CAPZA1: variants seen among roughly 807,000 people sequenced by gnomAD.
CAPZA1 encodes the protein F-actin-capping protein subunit alpha-1.
A neutral mutation model predicts 40.8 loss-of-function variants in CAPZA1; 10 were observed. The observed-to-expected ratio is 0.25, with a 90% CI of 0.15 to 0.42. The LOEUF (loss-of-function observed/expected upper bound fraction) is 0.42. CAPZA1 is among the 10% of genes least tolerant of loss of function. The pLI is 1.00. For missense variants in CAPZA1, 277 were observed against 353.8 expected, an observed-to-expected ratio of 0.78 and a Z score of 1.74; for synonymous variants, 98 against 115.0, an observed-to-expected ratio of 0.85 and a Z score of 0.95.
chr1:112,627,426 C>T (rs1348679093), intron 1 of CAPZA1, among the ~76,000 whole-genome samples: 1 of 151,842 alleles, frequency 6.6e-6, no homozygotes, highest in African/African-American at 2.4e-5. Context: ...AGGCGGATTA[C>T]TTGAACCCAG....
intron 7 of CAPZA1, 52 bp from the exon 8 acceptor site, chr1:112,667,022 C>G (rs1166905219): frequency 2.4e-6 from 3 of 1,273,044 alleles, no homozygotes; most frequent in Admixed American, 1.9e-5. Flanking sequence ...TCCTAAATAA[C>G]AGGTTTCTCT....
chr1:112,662,485 AC>A (rs1397214072), intron 7 of CAPZA1, among the ~76,000 whole-genome samples: 1 of 125,192 alleles, frequency 8.0e-6, no homozygotes, highest in East Asian at 2.4e-4. Context: ...TGCAAGCTCC[AC>A]CTCCCGGGTT....
intron 1 of CAPZA1, among the ~76,000 whole-genome samples, chr1:112,633,213 T>C (rs903274064): frequency 6.6e-6 from 1 of 152,176 alleles, no homozygotes; most frequent in Non-Finnish European, 1.5e-5. Context: ...CTAATTTCTA[T>C]CTTTGATATC....
chr1:112,633,565 GA>G (rs1557728066), intron 1 of CAPZA1, among the ~76,000 whole-genome samples: 1 of 152,176 alleles, frequency 6.6e-6, no homozygotes, highest in African/African-American at 2.4e-5. Context: ...TGGGGGTGCA[GA>G]TATCTCTCTG....
At chr1:112,627,666 AGAAG>A (rs1670841139) in intron 1 of CAPZA1, among the ~76,000 whole-genome samples, 2 of 108,660 alleles carry the variant, frequency 1.8e-5, no homozygotes, top group Admixed American at 1.1e-4. Flanking sequence ...AAAAAAAAAA[AGAAG>A]GGCCAGGCGT....
chr1:112,659,817 A>C (rs767515468), intron 7 of CAPZA1, 38 bp downstream of exon 7: 4 of 1,507,014 alleles, frequency 2.7e-6, no homozygotes, highest in Non-Finnish European at 3.7e-6. Context: ...AAAACTTCAC[A>C]TCTTTAAAAC....
At chr1:112,650,711 C>G (rs1257116793) in intron 3 of CAPZA1, among the ~76,000 whole-genome samples, 1 of 152,210 alleles carries the variant, frequency 6.6e-6, no homozygotes, top group Non-Finnish European at 1.5e-5. Flanking sequence ...CTCTGTACGT[C>G]ACTTGATAAG....
chr1:112,634,323 C>G (rs1037666663), intron 1 of CAPZA1, among the ~76,000 whole-genome samples: 3 of 152,078 alleles, frequency 2.0e-5, no homozygotes, highest in Non-Finnish European at 2.9e-5. Context: ...TAAGTATACC[C>G]TATTTGGAAA....
In CAPZA1 at chr1:112,670,362, C is replaced by CTTTTTTTTTTTTTTTTTTTTTTTGTTTTT. The variant is rs58051216; in HGVS notation, c.*249_*250insTTTTGTTTTTTTTTTTTTTTTTTTTTTTT. 6.9e-6 allele frequency: 1 copy of CTTTTTTTTTTTTTTTTTTTTTTTGTTTTT among 143,904 alleles called. No individual in the cohort carries two copies. The highest frequency in any genetic ancestry group is 1.0e-4 in the Admixed American group (1 of 9,912). The allele number at this position is 143,904 out of a possible 1,614,324, so 8.9% of individuals were successfully genotyped here. A position where few individuals can be genotyped will look rare whatever the true frequency, so the allele number is the denominator to read the frequency against. The stretch of plus-strand genomic sequence containing the variant: ...TATATCTACGTGTAAATCTTTTTTT[C>CTTTTTTTTTTTTTTTTTTTTTTTGTTTTT]TTTTTTTTTTTTTTTTTTTGGTTAA... On this transcript the variant is annotated 3_prime_UTR_variant, in exon 10 of 10. Coordinates refer to ENST00000263168, the MANE Select transcript of CAPZA1 (RefSeq NM_006135.3).
At chr1:112,666,826 C>G (rs1359030563) in intron 7 of CAPZA1, 1 of 445,962 alleles carries the variant, frequency 2.2e-6, no homozygotes, top group African/African-American at 2.0e-5. Context: ...ATGTGAAAAG[C>G]ATGTAATAAA....
At chr1:112,640,372 G>GC (rs1275846290) in intron 1 of CAPZA1, among the ~76,000 whole-genome samples, 1 of 108,650 alleles carries the variant, frequency 9.2e-6, no homozygotes, top group African/African-American at 3.7e-5. Context: ...GTGGGGGTGA[G>GC]CCCCCCACCC....
chr1:112,664,392 C>CTTA (rs1671682901), intron 7 of CAPZA1, among the ~76,000 whole-genome samples: 1 of 152,046 alleles, frequency 6.6e-6, no homozygotes, highest in Non-Finnish European at 1.5e-5. Flanking sequence ...AAGAGTAAGC[C>CTTA]CCTGCTGAGA....
chr1:112,648,615 C>T (rs925024022), intron 2 of CAPZA1, among the ~76,000 whole-genome samples: 1 of 151,576 alleles, frequency 6.6e-6, no homozygotes, highest in Non-Finnish European at 1.5e-5. Context: ...CACACCTGCC[C>T]GAAATTTTCA....
chr1:112,669,740 G>A, intron 9 of CAPZA1, 135 bp downstream of exon 9: 2 of 791,932 alleles, frequency 2.5e-6, no homozygotes, highest in East Asian at 5.3e-5. Context: ...AGACTTTGCA[G>A]ACCTTCCAAG....
chr1:112,671,206 C>T lies in CAPZA1; in HGVS notation c.*1074C>T, dbSNP rs1671824713. 2 of 152,602 alleles carry T rather than the reference C, an allele frequency of 1.3e-5. No homozygotes were observed. 9.5% of individuals were successfully genotyped at this position (152,602 alleles called of 1,614,324 possible). ...CTGCCTGCCAAGAACTCAAGTGTAACTGTGATAAAATAACCTTTCCCAGGT... is the reference window on the plus strand; with the variant it reads ...CTGCCTGCCAAGAACTCAAGTGTAATTGTGATAAAATAACCTTTCCCAGGT... On this transcript the variant is annotated 3_prime_UTR_variant, in exon 10 of 10. Transcript: ENST00000263168.
At chr1:112,624,605 CAAAAAAAAA>C (rs34860716) in intron 1 of CAPZA1, among the ~76,000 whole-genome samples, 61 of 55,838 alleles carry the variant, frequency 1.1e-3, no homozygotes, top group South Asian at 1.7e-3. Flanking sequence ...AAAACTCCAT[CAAAAAAAAA>C]AAAAAAAAAA....
chr1:112,640,348 C>A (rs1570709423), intron 1 of CAPZA1, among the ~76,000 whole-genome samples: 1 of 110,984 alleles, frequency 9.0e-6, no homozygotes, highest in Non-Finnish European at 1.9e-5. Flanking sequence ...CCAGCCGCCC[C>A]GTCCGGGAGG....
At position 112,670,296 on chromosome 1, in the gene CAPZA1, G is replaced by C; in HGVS notation, c.*164G>C. 1.9e-6 allele frequency: 1 copy of C among 515,844 alleles called. No individual in the cohort carries two copies. Among genetic ancestry groups the C allele is most frequent in the Non-Finnish European group, 3.2e-6 (1 of 309,390 alleles). 32.0% of individuals were successfully genotyped at this position (515,844 alleles called of 1,614,324 possible). A position where few individuals can be genotyped will look rare whatever the true frequency, so the allele number is the denominator to read the frequency against. ...ACTGTTGAACCTATAGCGTTGTCTT[G>C]ATTCTTTTGTGTTCTCTGCCTTGTA... On this transcript the variant is annotated 3_prime_UTR_variant, in exon 10 of 10. Coordinates refer to ENST00000263168, the MANE Select transcript of CAPZA1 (RefSeq NM_006135.3).
intron 1 of CAPZA1, among the ~76,000 whole-genome samples, chr1:112,631,124 C>T (rs1670909277): frequency 6.6e-6 from 1 of 152,188 alleles, no homozygotes; most frequent in African/African-American, 2.4e-5. Flanking sequence ...GGTCCAGAAC[C>T]ACTGATTTAA....
Sources: allele counts gnomAD v4.1 joint callset (sites outside exome capture counted in the v4.1 genomes callset), GRCh38; gene constraint gnomAD v4.1.1; transcripts MANE v1.5; gene names NCBI Gene and HGNC (gene_info 2026-07-23, HGNC 2026-07-21).